PCDH15: variants seen among roughly 807,000 people sequenced by gnomAD.
The protein encoded by PCDH15 is protocadherin-15.
A neutral mutation model predicts 178.5 loss-of-function variants in PCDH15; 129 were observed. That is an observed-to-expected ratio of 0.72 (90% confidence interval 0.63 to 0.84). PCDH15 has a LOEUF of 0.84. PCDH15 is among the 40% of genes least tolerant of loss of function. The pLI is 0.00. For synonymous variants in PCDH15, 800 were observed against 732.0 expected, an observed-to-expected ratio of 1.09 and a Z score of -1.50; for missense variants, 2,230 against 2,099.9, an observed-to-expected ratio of 1.06 and a Z score of -1.21.
intron 2 of PCDH15, among the ~76,000 whole-genome samples, chr10:54,991,469 C>G (rs1839499563): frequency 6.6e-6 from 1 of 152,036 alleles, no homozygotes; most frequent in South Asian, 2.1e-4. Context: ...AGTAAATAGA[C>G]ATAAACTTGA....
At chr10:55,516,771 A>G (rs1248365493) in intron 2 of PCDH15, among the ~76,000 whole-genome samples, 1 of 152,256 alleles carries the variant, frequency 6.6e-6, no homozygotes, top group South Asian at 2.1e-4. Context: ...TGTGACTGCA[A>G]GTTAAGCCAA....
chr10:55,000,933 TG>T (rs2131929751), intron 2 of PCDH15, among the ~76,000 whole-genome samples: 1 of 152,248 alleles, frequency 6.6e-6, no homozygotes, highest in Non-Finnish European at 1.5e-5. Context: ...CAGGCCCATT[TG>T]TGGTCACCCA....
intron 10 of PCDH15, among the ~76,000 whole-genome samples, chr10:54,202,807 C>T (rs1324145902): frequency 1.2e-5 from 1 of 82,416 alleles, no homozygotes; most frequent in Non-Finnish European, 2.3e-5. Flanking sequence ...AGCGAAACCC[C>T]ACCTCAAAAA....
intron 2 of PCDH15, among the ~76,000 whole-genome samples, chr10:55,465,597 A>C (rs1184093003): frequency 7.9e-5 from 12 of 152,028 alleles, no homozygotes. Flanking sequence ...AGGTGTCTAG[A>C]AATAATTAGG....
intron 29 of PCDH15, among the ~76,000 whole-genome samples, 168 bp from the exon 30 acceptor site, chr10:53,831,701 AAGAAG>A (rs1437124330): frequency 6.7e-5 from 4 of 59,274 alleles, no homozygotes; most frequent in Non-Finnish European, 1.6e-4. Context: ...ATAAGCAATA[AAGAAG>A]AGGAGTAATT....
At chr10:54,527,984 A>C in intron 2 of PCDH15, 107 bp from the exon 3 acceptor site, 2 of 853,464 alleles carry the variant, frequency 2.3e-6, no homozygotes, top group Non-Finnish European at 1.9e-6. Flanking sequence ...AAATCTTGCA[A>C]TCTAATTAAT....
At chr10:53,984,136 CTTTTTTCTTTTCTTTTTTTT>C (rs2090915419) in intron 21 of PCDH15, among the ~76,000 whole-genome samples, 2 of 73,552 alleles carry the variant, frequency 2.7e-5, no homozygotes, top group Admixed American at 2.6e-4. Context: ...TTTTTTTTTT[CTTTTTTCTTTTCTTTTTTTT>C]TTTTTTTTTT....
intron 2 of PCDH15, among the ~76,000 whole-genome samples, chr10:54,955,750 C>T (rs187040746): frequency 5.9e-5 from 9 of 151,332 alleles, no homozygotes; most frequent in Non-Finnish European, 1.2e-4. Flanking sequence ...GAAACTACAC[C>T]TGTAACCTTG....
At chr10:54,601,415 G>T (rs576096689) in intron 2 of PCDH15, among the ~76,000 whole-genome samples, 38 of 151,840 alleles carry the variant, frequency 2.5e-4, no homozygotes, top group African/African-American at 8.7e-4. Flanking sequence ...AAAAATACTT[G>T]CAGCCAAAAA....
At chr10:53,858,015 CAA>C (rs567970382) in intron 27 of PCDH15, among the ~76,000 whole-genome samples, 1 of 150,516 alleles carries the variant, frequency 6.6e-6, no homozygotes, top group African/African-American at 2.5e-5. Context: ...GATTTTAAAA[CAA>C]AAAAAATAAA....
intron 2 of PCDH15, among the ~76,000 whole-genome samples, chr10:55,617,887 C>T (rs1201711506): frequency 6.6e-6 from 1 of 151,892 alleles, no homozygotes; most frequent in Non-Finnish European, 1.5e-5. Context: ...TAATTTTACT[C>T]TAACTTTTAA....
chr10:55,178,956 A>T, intron 1 of PCDH15, among the ~76,000 whole-genome samples: 1 of 152,150 alleles, frequency 6.6e-6, no homozygotes, highest in Non-Finnish European at 1.5e-5. Context: ...TCTGGCCACA[A>T]CATTGTTTTC....
intron 2 of PCDH15, among the ~76,000 whole-genome samples, chr10:55,386,992 A>C (rs1837678146): frequency 6.6e-6 from 1 of 152,150 alleles, no homozygotes. Flanking sequence ...GGAAATCGTG[A>C]GAAACTATTA....
At chr10:55,612,763 G>T (rs1406179380) in intron 2 of PCDH15, among the ~76,000 whole-genome samples, 1 of 152,052 alleles carries the variant, frequency 6.6e-6, no homozygotes, top group Non-Finnish European at 1.5e-5. Flanking sequence ...AATTATTGAG[G>T]TCTCATCCCA....
Position 54,004,751 on chromosome 10 carries a change from A to G in PCDH15, c.2752-8986T>C, listed in dbSNP as rs2092321097. 3.3e-5 allele frequency among the ~76,000 whole-genome samples: 5 copies of G among 152,132 alleles called. No homozygotes were observed. In the South Asian group the frequency reaches 8.3e-4, roughly 25 times the overall value. ...CTACTCAAAGCGTTCTACAGATTCA[A>G]TGCAATCCCTGTCAAATACCAATGA... On this transcript the variant is annotated intron_variant, in intron 20 of 37. Transcript: ENST00000644397.
intron 3 of PCDH15, among the ~76,000 whole-genome samples, chr10:54,878,200 T>C (rs1479782370): frequency 6.6e-6 from 1 of 151,946 alleles, no homozygotes; most frequent in Non-Finnish European, 1.5e-5. Context: ...TGACCTCAGG[T>C]GATCCACCTG....
intron 25 of PCDH15, among the ~76,000 whole-genome samples, chr10:53,906,117 T>C (rs2082665268): frequency 6.6e-6 from 1 of 152,138 alleles, no homozygotes; most frequent in Non-Finnish European, 1.5e-5. Context: ...TAGCTAATTA[T>C]GTAGGATAGT....
chr10:54,112,940 G>T (rs1044998277), intron 15 of PCDH15, among the ~76,000 whole-genome samples: 3 of 152,124 alleles, frequency 2.0e-5, no homozygotes, highest in African/African-American at 7.2e-5. Flanking sequence ...AGTCTCTTGA[G>T]AAAAGTTTGG....
At chr10:54,858,021 C>A (rs1015738580) in intron 3 of PCDH15, among the ~76,000 whole-genome samples, 1 of 152,108 alleles carries the variant, frequency 6.6e-6, no homozygotes, top group African/African-American at 2.4e-5. Context: ...GTTGCCTGTG[C>A]AATAGATCTT....
Sources: allele counts gnomAD v4.1 joint callset (sites outside exome capture counted in the v4.1 genomes callset), GRCh38; gene constraint gnomAD v4.1.1; transcripts MANE v1.5; gene names NCBI Gene and HGNC (gene_info 2026-07-23, HGNC 2026-07-21).